Variants in OIP5 observed in about 807,000 individuals in gnomAD.
The protein encoded by OIP5 is Opa interacting protein 5.
OIP5 carries 24 observed loss-of-function variants against 20.3 expected under a neutral mutation model. That is an observed-to-expected ratio of 1.18 (90% CI 0.86 to 1.66). The LOEUF (loss-of-function observed/expected upper bound fraction) is 1.66, where lower values mean the gene tolerates loss of function less well. Among genes scored for constraint, OIP5 ranks in the 40% most tolerant of loss-of-function variants. The pLI is 0.00. For missense variants in OIP5, 339 were observed against 289.5 expected (o/e 1.17, Z -1.24); for synonymous variants, 143 against 121.3 (o/e 1.18, Z -1.17).
intron 2 of OIP5, among the ~76,000 whole-genome samples, chr15:41,322,732 C>T (rs368252471): frequency 1.8e-4 from 27 of 152,056 alleles, no homozygotes; most frequent in East Asian, 1.9e-4. Flanking sequence ...GTCAGGAGTT[C>T]GAGACCAGCC....
intron 3 of OIP5, among the ~76,000 whole-genome samples, chr15:41,318,876 G>A (rs1390902801): frequency 2.0e-5 from 3 of 149,968 alleles, no homozygotes; most frequent in Non-Finnish European, 3.0e-5. Context: ...TTAAAATTTT[G>A]TATAAAAAAA....
chr15:41,320,049 T>C (rs1427210859), intron 2 of OIP5, among the ~76,000 whole-genome samples: 1 of 152,102 alleles, frequency 6.6e-6, no homozygotes, highest in Non-Finnish European at 1.5e-5. Flanking sequence ...AATTTACCCC[T>C]AATAAACACA....
chr15:41,314,382 G>A (rs893498754), intron 3 of OIP5, among the ~76,000 whole-genome samples: 1 of 152,136 alleles, frequency 6.6e-6, no homozygotes, highest in African/African-American at 2.4e-5. Context: ...GATTATAGGC[G>A]TGAGCCGAGC....
chr15:41,331,860 A>G (rs966872869), intron 2 of OIP5, 55 bp downstream of exon 2: 39 of 1,443,134 alleles, frequency 2.7e-5, no homozygotes, highest in Non-Finnish European at 2.0e-6. Context: ...CAGTTCCACG[A>G]TCCTCAGTCT....
At chr15:41,326,424 T>C (rs1190278161) in intron 2 of OIP5, among the ~76,000 whole-genome samples, 1 of 152,098 alleles carries the variant, frequency 6.6e-6, no homozygotes, top group Non-Finnish European at 1.5e-5. Flanking sequence ...TCCTTATTGT[T>C]TTTTGTTTGT....
chr15:41,317,528 C>T (rs1330852399), intron 3 of OIP5, among the ~76,000 whole-genome samples: 2 of 151,892 alleles, frequency 1.3e-5, no homozygotes, highest in Non-Finnish European at 2.9e-5. Flanking sequence ...TACAGGCATG[C>T]GCCACCATGC....
chr15:41,322,584 G>A (rs2047837003), intron 2 of OIP5, among the ~76,000 whole-genome samples: 2 of 151,918 alleles, frequency 1.3e-5, no homozygotes, highest in South Asian at 4.2e-4. Flanking sequence ...GGCAGAAATG[G>A]GGTCTTACTT....
chr15:41,329,196 C>A (rs2047881566), intron 2 of OIP5, among the ~76,000 whole-genome samples: 2 of 151,628 alleles, frequency 1.3e-5, no homozygotes, highest in Non-Finnish European at 2.9e-5. Flanking sequence ...GGTAATGAAC[C>A]TACACTTAGA....
At position 41,332,374 on chromosome 15, in the gene OIP5, C is replaced by T. The variant is rs765992070; in HGVS notation, c.188G>A (p.Gly63Asp). 15 of 1,612,270 alleles carry T rather than the reference C, an allele frequency of 9.3e-6. No homozygotes were observed. The highest frequency in any genetic ancestry group is 2.5e-6 in the Non-Finnish European group (3 of 1,179,224). Reference protein sequence around the residue: ...AGLGAEEPAAGPQLPSWLQPE... With the variant: ...AGLGAEEPAADPQLPSWLQPE... ...CTGCAGCCAAGACGGCAGCTGCGGG[C>T]CGGCGGCTGGCTCCTCAGCCCCCAG... is the stretch of plus-strand genomic sequence containing the variant. The change falls in exon 1 of 5, where the codon GGC becomes GAC. Residue 63 changes from glycine to aspartate, a missense_variant. Gly to Asp is a moderately conservative substitution (Grantham distance 94). Transcript: ENST00000220514.
At chr15:41,319,506 A>G in intron 3 of OIP5, 152 bp downstream of exon 3, 1 of 607,862 alleles carries the variant, frequency 1.6e-6, no homozygotes, top group African/African-American at 1.9e-5. Flanking sequence ...CCACCGCCTC[A>G]GCCTCCTAAA....
intron 4 of OIP5, among the ~76,000 whole-genome samples, chr15:41,310,542 A>G (rs2047747519): frequency 6.6e-6 from 1 of 151,770 alleles, no homozygotes; most frequent in Non-Finnish European, 1.5e-5. Context: ...AGGCAAGAGA[A>G]TGAGTGAACC....
At chr15:41,321,134 C>T (rs1185595385) in intron 2 of OIP5, among the ~76,000 whole-genome samples, 3 of 151,394 alleles carry the variant, frequency 2.0e-5, no homozygotes, top group Admixed American at 1.3e-4. Flanking sequence ...CCGGCAGCCA[C>T]CCTGTCGGGG....
chr15:41,329,660 G>C (rs2047884905), intron 2 of OIP5, among the ~76,000 whole-genome samples: 1 of 150,984 alleles, frequency 6.6e-6, no homozygotes, highest in African/African-American at 2.4e-5. Flanking sequence ...TGTCTAATAG[G>C]AATATAATGT....
In OIP5 at chr15:41,314,469, C is replaced by A. The variant is rs147956941; in HGVS notation, c.513-1115G>T. Reference sequence around the variant, plus strand: ...GCCTACTGTTACATATTTGCTTTCTCAGATGAGGTGATCATGTGACATAGT... The same window carrying A: ...GCCTACTGTTACATATTTGCTTTCTAAGATGAGGTGATCATGTGACATAGT... On this transcript the variant is annotated intron_variant, in intron 3 of 4. Transcript: ENST00000220514. Among the ~76,000 whole-genome samples the A allele has an allele frequency of 6.3e-3, 963 of 152,066 alleles. 15 individuals carry two copies. Among genetic ancestry groups the A allele is most frequent in the African/African-American group, 0.022 (905 of 41,512 alleles).
intron 3 of OIP5, among the ~76,000 whole-genome samples, chr15:41,314,510 T>C (rs918561030): frequency 6.6e-6 from 1 of 151,808 alleles, no homozygotes; most frequent in African/African-American, 2.4e-5. Flanking sequence ...CCAACAAGGG[T>C]AAGAAAATGG....
At position 41,322,268 on chromosome 15, in the gene OIP5, G is replaced by A. The variant is rs557847043; in HGVS notation, c.390-2488C>T. On this transcript the variant is annotated intron_variant, in intron 2 of 4. Coordinates refer to ENST00000220514, the MANE Select transcript of OIP5 (RefSeq NM_007280.2). The stretch of plus-strand genomic sequence containing the variant: ...AGCCTAGGCAACATGGTAATACCCC[G>A]TCTTAAAAAATAAATAAATGTTTTA... Among the ~76,000 whole-genome samples the A allele has an allele frequency of 6.6e-5, 10 of 152,138 alleles. No individual in the cohort carries two copies. In the South Asian group the frequency reaches 8.3e-4, roughly 13 times the overall value.
intron 1 of OIP5, 63 bp from the exon 2 acceptor site, chr15:41,332,044 TCTAGACAGA>T: frequency 6.6e-7 from 1 of 1,513,856 alleles, no homozygotes; most frequent in Non-Finnish European, 9.2e-7. Flanking sequence ...AAATCTCTCC[TCTAGACAGA>T]CTCATCCTGG....
chr15:41,319,041 G>A (rs1257883346), intron 3 of OIP5, among the ~76,000 whole-genome samples: 1 of 151,620 alleles, frequency 6.6e-6, no homozygotes, highest in African/African-American at 2.4e-5. Context: ...CCTGACTTTA[G>A]CATCTTTTTG....
Position 41,332,533 on chromosome 15 carries a change from G to T in OIP5, c.29C>A (p.Ser10Ter), listed in dbSNP as rs201962885. 2.5e-6 allele frequency: 4 copies of T among 1,610,696 alleles called. No homozygotes were observed. Among genetic ancestry groups the T allele is most frequent in the African/African-American group, 2.7e-5 (2 of 74,810 alleles). Residue 10 changes from serine (S) to a stop codon, truncating the protein, a stop_gained, in exon 1 of 5, where the codon TCA becomes TAA. Coordinates refer to ENST00000220514, the MANE Select transcript of OIP5 (RefSeq NM_007280.2). LOFTEE classifies it high-confidence loss of function. ...CCCCCGGGGCGGCGTTGCACAACGT[G>T]AGCGATGCCGCAGCGGCTGAGCCGC... Reference protein sequence around the residue: MAAQPLRHRSRCATPPRGDF... With the variant: MAAQPLRHR
Sources: gnomAD v4.1 joint callset for allele counts (sites outside exome capture counted in the v4.1 genomes callset) on GRCh38, gnomAD v4.1.1 for gene constraint, MANE v1.5 for transcripts, NCBI Gene and HGNC (gene_info 2026-07-23, HGNC 2026-07-21) for gene names.